The following KPNB1 variants were observed in gnomAD, a reference collection of about 807,000 sequenced individuals.
The protein encoded by KPNB1 is importin subunit beta-1.
Under a neutral mutation model 113.0 loss-of-function variants are expected in KPNB1, and 7 were observed. The observed-to-expected ratio is 0.06, with a 90% CI of 0.04 to 0.12. The LOEUF is 0.12. Ranked by LOEUF, KPNB1 falls within the 10% of genes least tolerant of loss-of-function variation. The probability of loss-of-function intolerance (pLI) is 1.00; values close to 1 mark genes in which losing one functional copy is unlikely to be tolerated. For missense variants in KPNB1, 400 were observed against 1,054.8 expected, an observed-to-expected ratio of 0.38 and a Z score of 8.60; for synonymous variants, 363 against 378.6, an observed-to-expected ratio of 0.96 and a Z score of 0.48.
chr17:47,670,926 A>G (rs2143148846), intron 12 of KPNB1, 94 bp downstream of exon 12: 1 of 1,133,512 alleles, frequency 8.8e-7, no homozygotes, highest in Admixed American at 2.0e-5. Context: ...TAGAAGCATA[A>G]TGAGACAGGA....
At chr17:47,651,130 C>A in intron 2 of KPNB1, 1 of 777,768 alleles carries the variant, frequency 1.3e-6, no homozygotes, top group Non-Finnish European at 1.6e-6. Flanking sequence ...TGAGGCTCAT[C>A]TTTGAGATGG....
At chr17:47,676,357 C>T (rs2086171731) in intron 15 of KPNB1, 52 bp from the exon 16 acceptor site, 2 of 1,305,520 alleles carry the variant, frequency 1.5e-6, no homozygotes, top group South Asian at 1.2e-5. Flanking sequence ...TTCTGCCTGC[C>T]TCTGTGTTAA....
At position 47,669,889 on chromosome 17, in the gene KPNB1, G is replaced by A; in HGVS notation, c.1416+20G>A. The A allele has an allele frequency of 1.9e-6, 3 of 1,543,808 alleles. No individual in the cohort carries two copies. The highest frequency in any genetic ancestry group is 2.7e-6 in the Non-Finnish European group (3 of 1,125,086). ...TGCTGGGTAAGGGATTTTCTTGCTG[G>A]TGAGAAAAGGAGCTTGCCTGCGCCA... On this transcript the variant is annotated intron_variant, in intron 11 of 21. Transcript: ENST00000290158.
rs1297209547 is a variant in KPNB1 at position 47,684,461 on chromosome 17, C to G, written c.*2057C>G. On this transcript the variant is annotated 3_prime_UTR_variant, in exon 22 of 22. Coordinates refer to ENST00000290158, the MANE Select transcript of KPNB1 (RefSeq NM_002265.6). ...GGCCTGGTCCTCTAATGCCTTGTTT[C>G]CATTTCAGTTGTTCTTTGAGAGACA... 6.6e-6 allele frequency: 1 copy of G among 152,048 alleles called. No individual in the cohort carries two copies. Among genetic ancestry groups the G allele is most frequent in the African/African-American group, 2.4e-5 (1 of 41,366 alleles). The allele number at this position is 152,048 out of a possible 1,614,324, so 9.4% of individuals were successfully genotyped here. A position where few individuals can be genotyped will look rare whatever the true frequency, so the allele number is the denominator to read the frequency against.
chr17:47,680,719 G>T (rs372342944), intron 21 of KPNB1, 50 bp downstream of exon 21: 23 of 1,565,240 alleles, frequency 1.5e-5, no homozygotes, highest in Middle Eastern at 1.7e-4. Flanking sequence ...TGGAGGAGGG[G>T]GGTATGTTTT....
chr17:47,655,595 C>T (rs1028231361), intron 3 of KPNB1, among the ~76,000 whole-genome samples: 9 of 152,186 alleles, frequency 5.9e-5, no homozygotes, highest in Non-Finnish European at 1.0e-4. Context: ...TTTCAGCCCA[C>T]GTCTCATGAG....
chr17:47,673,306 C>A, intron 13 of KPNB1, 141 bp downstream of exon 13: 2 of 964,634 alleles, frequency 2.1e-6, no homozygotes, highest in Non-Finnish European at 3.1e-6. Flanking sequence ...ATACAAAAAA[C>A]ATTGCACCTT....
chr17:47,664,770 A>G (rs2030215666), intron 8 of KPNB1, among the ~76,000 whole-genome samples: 1 of 152,032 alleles, frequency 6.6e-6, no homozygotes, highest in South Asian at 2.1e-4. Flanking sequence ...AGGCAAACTG[A>G]GTGTGTGTTG....
rs562831478 is a variant in KPNB1 at position 47,659,911 on chromosome 17, T to A, written c.637-1208T>A. Among the ~76,000 whole-genome samples the A allele has an allele frequency of 3.5e-3, 524 of 151,278 alleles. 2 individuals are homozygous for A. The highest frequency in any genetic ancestry group is 0.01 in the African/African-American group (421 of 41,308). On this transcript the variant is annotated intron_variant, in intron 5 of 21. Coordinates refer to ENST00000290158, the MANE Select transcript of KPNB1 (RefSeq NM_002265.6). ...AGACTCTGTCTCCAAAAAAAAAAAA[T>A]ATATATATATGTATATGTATGTGTA...
At chr17:47,674,567 A>G in intron 14 of KPNB1, 71 bp from the exon 15 acceptor site, 1 of 1,440,098 alleles carries the variant, frequency 6.9e-7, no homozygotes, top group Non-Finnish European at 9.4e-7. Context: ...TTGATTTTAA[A>G]AAGAAAAGGT....
rs373865263 is a variant in KPNB1 at position 47,680,628 on chromosome 17, A to G, written c.2589A>G (p.Thr863=). Residue 863 remains threonine (T), a synonymous_variant, in exon 21 of 22, where the codon ACA becomes ACG. Transcript: ENST00000290158. ...SKTNKAKTLA[T]WATKELRKLK... ...CTAACAAAGCAAAAACCCTTGCTAC[A>G]TGGGCAACAAAAGAACTGAGGAAAC... is the stretch of plus-strand genomic sequence containing the variant. The G allele has an allele frequency of 4.3e-6, 7 of 1,614,090 alleles. No homozygotes were observed. Among genetic ancestry groups the G allele is most frequent in the Admixed American group, 3.3e-5 (2 of 60,004 alleles).
intron 15 of KPNB1, among the ~76,000 whole-genome samples, chr17:47,675,384 T>G (rs556752509): frequency 0.066 from 7,022 of 106,052 alleles, 539 homozygotes; most frequent in Middle Eastern, 0.19. Flanking sequence ...TTTTTTTTTT[T>G]GTTTGTTTTT....
At chr17:47,656,720 T>G in intron 3 of KPNB1, 140 bp from the exon 4 acceptor site, 1 of 775,644 alleles carries the variant, frequency 1.3e-6, no homozygotes, top group Non-Finnish European at 2.1e-6. Flanking sequence ...TGCACTCCAG[T>G]CCGGGCAACA....
Position 47,652,806 on chromosome 17 carries a change from A to G in KPNB1, c.212A>G (p.Asp71Gly), listed in dbSNP as rs777429698. The G allele has an allele frequency of 6.2e-7, 1 of 1,612,408 alleles. No individual in the cohort carries two copies. The highest frequency in any genetic ancestry group is 8.5e-7 in the Non-Finnish European group (1 of 1,179,566). The change falls in exon 3 of 22, where the codon GAT (aspartate) becomes GGT (glycine). Residue 71 changes from aspartate to glycine, a missense_variant. By Grantham distance (94) the Asp-to-Gly change is moderately conservative (BLOSUM62 -1). Transcript: ENST00000290158. ...AACTCTTTGACATCTAAAGATCCAGATATCAAGGCACAATATCAGCAGAGG... is the reference window on the plus strand; with the variant it reads ...AACTCTTTGACATCTAAAGATCCAGGTATCAAGGCACAATATCAGCAGAGG... ...IKNSLTSKDP[D>G]IKAQYQQRWL...
rs922515141 is a variant in KPNB1 at position 47,676,343 on chromosome 17, T to G, written c.1913-66T>G. On this transcript the variant is annotated intron_variant, in intron 15 of 21. Coordinates refer to ENST00000290158, the MANE Select transcript of KPNB1 (RefSeq NM_002265.6). ...TACATTTTGGGAGAGGTAGGATGGGTTATTTCTGCCTGCCTCTGTGTTAAC... is the reference window on the plus strand; with the variant it reads ...TACATTTTGGGAGAGGTAGGATGGGGTATTTCTGCCTGCCTCTGTGTTAAC... 1.0e-5 allele frequency: 12 copies of G among 1,154,090 alleles called. No individual in the cohort carries two copies. In the Admixed American group the frequency reaches 2.0e-4, roughly 20 times the overall value. 71.5% of individuals were successfully genotyped at this position (1,154,090 alleles called of 1,614,324 possible).
chr17:47,663,207 C>G (rs1310800143), intron 7 of KPNB1, 29 bp downstream of exon 7: 1 of 1,168,402 alleles, frequency 8.6e-7, no homozygotes, highest in African/African-American at 1.5e-5. Context: ...GTGATTTGAG[C>G]TTGTGGCTAA....
chr17:47,658,388 A>G (rs1597925068), intron 4 of KPNB1, 120 bp from the exon 5 acceptor site: 3 of 1,077,284 alleles, frequency 2.8e-6, no homozygotes, highest in Non-Finnish European at 2.6e-6. Flanking sequence ...GTACAGATGC[A>G]ACCATCCATT....
chr17:47,670,262 T>C (rs565049436), intron 11 of KPNB1: 1 of 222,672 alleles, frequency 4.5e-6, no homozygotes, highest in East Asian at 9.3e-5. Flanking sequence ...GCTAATGTAA[T>C]TGGTTAAGGG....
In KPNB1 at chr17:47,677,275, C is replaced by CA. The variant is rs2030641070; in HGVS notation, c.2103+148_2103+149insA. 4 of 627,146 alleles carry CA rather than the reference C, an allele frequency of 6.4e-6. No individual in the cohort carries two copies. In the East Asian group the frequency reaches 1.1e-4, roughly 17 times the overall value. The allele number at this position is 627,146 out of a possible 1,614,324, so 38.8% of individuals were successfully genotyped here. ...AGGCAGGCCAGGAGTTCGAGACCAA[C>CA]CTGGACAACATGGTGAAACCCCGTC... On this transcript the variant is annotated intron_variant, in intron 17 of 21. Coordinates refer to ENST00000290158, the MANE Select transcript of KPNB1 (RefSeq NM_002265.6).
Sources: allele counts gnomAD v4.1 joint callset (sites outside exome capture counted in the v4.1 genomes callset), GRCh38; gene constraint gnomAD v4.1.1; transcripts MANE v1.5; gene names NCBI Gene and HGNC (gene_info 2026-07-23, HGNC 2026-07-21).